Variants in NHSL1 observed in about 807,000 individuals in gnomAD.
NHSL1 encodes NHS like 1.
A neutral mutation model predicts 95.0 loss-of-function variants in NHSL1; 48 were observed. The ratio of observed to expected loss-of-function variants is 0.51; its 90% confidence interval spans 0.40 to 0.64. The LOEUF is 0.64. NHSL1 is among the 30% of genes least tolerant of loss of function. NHSL1 has a pLI of 0.00. For synonymous variants in NHSL1, 783 were observed against 833.9 expected, an observed-to-expected ratio of 0.94 and a Z score of 1.05; for missense variants, 1,971 against 2,077.7, an observed-to-expected ratio of 0.95 and a Z score of 1.00.
At chr6:138,441,831 C>T (rs1294016627) in intron 5 of NHSL1, among the ~76,000 whole-genome samples, 152 bp downstream of exon 5, 1 of 152,196 alleles carries the variant, frequency 6.6e-6, no homozygotes, top group African/African-American at 2.4e-5. Flanking sequence ...TTAAGATTTG[C>T]ACCTAATGCC....
At chr6:138,436,322 A>G (rs1331205765) in intron 5 of NHSL1, among the ~76,000 whole-genome samples, 2 of 152,208 alleles carry the variant, frequency 1.3e-5, no homozygotes, top group Non-Finnish European at 2.9e-5. Context: ...ATACACAAAT[A>G]AAAAAACAGC....
At chr6:138,493,975 C>T (rs1486837344) in intron 2 of NHSL1, among the ~76,000 whole-genome samples, 3 of 152,240 alleles carry the variant, frequency 2.0e-5, no homozygotes, top group Non-Finnish European at 4.4e-5. Context: ...CCAACAATGC[C>T]CTCACTTCTG....
intron 1 of NHSL1, among the ~76,000 whole-genome samples, chr6:138,661,527 TG>T (rs1437812844): frequency 2.0e-5 from 3 of 150,194 alleles, no homozygotes; most frequent in Admixed American, 6.6e-5. Flanking sequence ...CTGGGCTTGG[TG>T]GGCCACACAT....
At chr6:138,524,416 C>T (rs946761542) in intron 1 of NHSL1, among the ~76,000 whole-genome samples, 3 of 152,164 alleles carry the variant, frequency 2.0e-5, no homozygotes, top group Non-Finnish European at 2.9e-5. Flanking sequence ...CCACACATAA[C>T]CATTACCCTA....
chr6:138,609,294 A>G (rs1187726198), intron 1 of NHSL1, among the ~76,000 whole-genome samples: 1 of 152,134 alleles, frequency 6.6e-6, no homozygotes, highest in Non-Finnish European at 1.5e-5. Context: ...AGGAATGTGG[A>G]TGTCAGGAAG....
intron 1 of NHSL1, among the ~76,000 whole-genome samples, chr6:138,617,399 A>T (rs147037364): frequency 8.7e-4 from 132 of 152,194 alleles, no homozygotes; most frequent in African/African-American, 3.0e-3. Context: ...TGAAATCCAC[A>T]TTACTTCCTA....
At chr6:138,503,894 T>A (rs1422421194), upstream of NHSL1, among the ~76,000 whole-genome samples, 1 of 152,094 alleles carries the variant, frequency 6.6e-6, no homozygotes, top group African/African-American at 2.4e-5. Context: ...CTTTTTTTTT[T>A]CCTCCATGAA....
chr6:138,607,630 TG>T (rs1784452210), intron 1 of NHSL1, among the ~76,000 whole-genome samples: 1 of 152,198 alleles, frequency 6.6e-6, no homozygotes, highest in South Asian at 2.1e-4. Flanking sequence ...TTGTGGTACA[TG>T]GAACAAAAGC....
chr6:138,453,683 A>T (rs1777389935), intron 3 of NHSL1, among the ~76,000 whole-genome samples: 1 of 152,006 alleles, frequency 6.6e-6, no homozygotes, highest in African/African-American at 2.4e-5. Context: ...AGTAACTAGG[A>T]TGACCGGCAC....
chr6:138,623,979 C>T (rs1174686323), intron 1 of NHSL1, among the ~76,000 whole-genome samples: 1 of 152,084 alleles, frequency 6.6e-6, no homozygotes, highest in Non-Finnish European at 1.5e-5. Flanking sequence ...TCTTTGCCTT[C>T]CACCATGATT....
At position 138,482,401 on chromosome 6, in the gene NHSL1, G is replaced by A. The variant is rs1333852485; in HGVS notation, c.212-8968C>T. ...GCGGAGGTTGCAGTGAGCTGAGATG[G>A]CACCACTGCACTCCAGCCTGGGTGA... On this transcript the variant is annotated intron_variant, in intron 2 of 7. Coordinates refer to ENST00000343505, the MANE Select transcript of NHSL1 (RefSeq NM_001144060.2). Among the ~76,000 whole-genome samples the A allele has an allele frequency of 1.2e-4, 18 of 146,440 alleles. No individual in the cohort carries two copies. In the Admixed American group the frequency reaches 1.2e-3, roughly 10 times the overall value.
intron 1 of NHSL1, among the ~76,000 whole-genome samples, chr6:138,527,040 T>C (rs1023526719): frequency 3.3e-5 from 5 of 152,202 alleles, no homozygotes; most frequent in African/African-American, 4.8e-5. Flanking sequence ...TGTCTAACAT[T>C]AGCGTCTTTG....
chr6:138,678,838 T>C (rs1583478122), intron 1 of NHSL1, among the ~76,000 whole-genome samples: 1 of 152,164 alleles, frequency 6.6e-6, no homozygotes, highest in African/African-American at 2.4e-5. Flanking sequence ...ATCCTGTAAG[T>C]GTTACTATAA....
chr6:138,469,185 C>T (rs1264566206), intron 3 of NHSL1, among the ~76,000 whole-genome samples: 1 of 152,162 alleles, frequency 6.6e-6, no homozygotes, highest in Non-Finnish European at 1.5e-5. Flanking sequence ...CAAATATTTA[C>T]TTAGTAGCAA....
chr6:138,672,511 C>T (rs1227343138), intron 1 of NHSL1, among the ~76,000 whole-genome samples: 1 of 152,116 alleles, frequency 6.6e-6, no homozygotes, highest in East Asian at 1.9e-4. Context: ...AACACTTCAG[C>T]TCAGTCTAGG....
intron 1 of NHSL1, among the ~76,000 whole-genome samples, chr6:138,681,660 C>T (rs1413992164): frequency 2.0e-5 from 3 of 152,354 alleles, no homozygotes; most frequent in East Asian, 3.9e-4. Flanking sequence ...CAGATGCCAA[C>T]ATAATCAGGT....
At chr6:138,677,591 C>G (rs1347337891) in intron 1 of NHSL1, among the ~76,000 whole-genome samples, 1 of 152,176 alleles carries the variant, frequency 6.6e-6, no homozygotes, top group Non-Finnish European at 1.5e-5. Context: ...ACTGTCCTGA[C>G]CAGAGGCAAA....
chr6:138,595,147 G>A lies in NHSL1; in HGVS notation c.96+97329C>T, dbSNP rs1784286988. Among the ~76,000 whole-genome samples, 3 of 152,196 alleles carry A rather than the reference G, an allele frequency of 2.0e-5. No homozygotes were observed. The South Asian group carries it at 6.2e-4, about 31-fold the overall frequency. On this transcript the variant is annotated intron_variant, in intron 1 of 3. Coordinates refer to the NHSL1 transcript ENST00000491526. Reference sequence around the variant, plus strand: ...CTTCTAAGTACGTCAATCACCTACAGAAGATAAAAAGTGATTTTTTGAAAA... The same window carrying A: ...CTTCTAAGTACGTCAATCACCTACAAAAGATAAAAAGTGATTTTTTGAAAA...
At chr6:138,486,804 A>C (rs1779757698) in intron 2 of NHSL1, among the ~76,000 whole-genome samples, 1 of 152,218 alleles carries the variant, frequency 6.6e-6, no homozygotes, top group South Asian at 2.1e-4. Context: ...GTTCCCATGG[A>C]TGTTACTGTC....
Sources: allele counts gnomAD v4.1 joint callset (sites outside exome capture counted in the v4.1 genomes callset), GRCh38; gene constraint gnomAD v4.1.1; transcripts MANE v1.5; gene names NCBI Gene and HGNC (gene_info 2026-07-23, HGNC 2026-07-21).